MCF2L: variants seen among roughly 807,000 people sequenced by gnomAD.
MCF2L encodes guanine nucleotide exchange factor DBS.
In MCF2L, 97 loss-of-function variants were observed where a neutral mutation model predicts 153.4. That is an observed-to-expected ratio of 0.63 (90% CI 0.54 to 0.75). The LOEUF is 0.75. Ranked by LOEUF, MCF2L falls within the 30% of genes least tolerant of loss-of-function variation. MCF2L has a pLI of 0.00. For synonymous variants in MCF2L, 659 were observed against 632.2 expected, an observed-to-expected ratio of 1.04 and a Z score of -0.64; for missense variants, 1,347 against 1,495.2, an observed-to-expected ratio of 0.90 and a Z score of 1.64.
Position 113,066,069 on chromosome 13 carries a change from A to G in MCF2L, c.780A>G (p.Lys260=), listed in dbSNP as rs2032317907. The G allele has an allele frequency of 6.2e-7, 1 of 1,613,308 alleles. No individual in the cohort carries two copies. The highest frequency in any genetic ancestry group is 1.1e-5 in the South Asian group (1 of 91,048). The change falls in exon 8 of 30, where the codon AAA becomes AAG. Residue 260 remains lysine (K), a synonymous_variant. Transcript: ENST00000535094. The part of the protein sequence containing the change: ...KAKEDLRLAL[K]EGHSVLESLR... ...AGGAGGATTTGAGGCTGGCACTGAA[A>G]GAGGGGCACAGTGTCCTGGAGAGCC...
chr13:113,091,063 C>T lies in MCF2L; in HGVS notation c.2953+1335C>T, dbSNP rs186338168. ...GCGCGGGTCAGCCTCCTCGCCGCCTCCCTCCGTCCTTCACACTCTCTCTCC... is the reference window on the plus strand; with the variant it reads ...GCGCGGGTCAGCCTCCTCGCCGCCTTCCTCCGTCCTTCACACTCTCTCTCC... On this transcript the variant is annotated intron_variant, in intron 26 of 29. Coordinates refer to ENST00000535094, the MANE Select transcript of MCF2L (RefSeq NM_001112732.3). 1,443 of 1,297,176 alleles carry T rather than the reference C, an allele frequency of 1.1e-3. 16 individuals carry two copies. The African/African-American group carries it at 0.021, about 19-fold the overall frequency. 80.4% of individuals were successfully genotyped at this position (1,297,176 alleles called of 1,614,324 possible).
chr13:113,006,832 C>CCTCACA (rs2083732310), intron 1 of MCF2L, among the ~76,000 whole-genome samples: 1 of 152,190 alleles, frequency 6.6e-6, no homozygotes, highest in African/African-American at 2.4e-5. Context: ...CTCACATGTG[C>CCTCACA]GGAGGTTTGG....
At chr13:112,980,623 A>C (rs3011549) in intron 1 of MCF2L, among the ~76,000 whole-genome samples, 106,397 of 140,160 alleles carry the variant, frequency 0.76, 38,123 homozygotes, top group Non-Finnish European at 0.8. Context: ...AGAGCCTCTC[A>C]GGCTGCCGCC....
intron 24 of MCF2L, 40 bp downstream of exon 24, chr13:113,088,445 C>G (rs779594182): frequency 4.9e-5 from 79 of 1,610,980 alleles, no homozygotes; most frequent in Non-Finnish European, 6.5e-5. Context: ...GTAGCTTCCG[C>G]TCCAGGTGCA....
chr13:113,096,332 G>A (rs1021603333), intron 27 of MCF2L, 39 bp from the exon 28 acceptor site: 5 of 1,466,860 alleles, frequency 3.4e-6, no homozygotes, highest in Non-Finnish European at 4.7e-6. Flanking sequence ...GCCGGGGCGG[G>A]TGCTGACGCT....
rs554000620 is a variant in MCF2L at position 112,983,726 on chromosome 13, C to A, written c.79+14268C>A. On this transcript the variant is annotated intron_variant, in intron 1 of 29. Transcript: ENST00000535094. This position sits in a 1 kb window ranked among gnomAD's most constrained non-coding sequence, Gnocchi z 4.0. Reference sequence around the variant, plus strand: ...CTGACGCACTGTGGCCCCGGGGAAGCGTGGTGTCTGCAGCCTCCTGGGCCT... The same window carrying A: ...CTGACGCACTGTGGCCCCGGGGAAGAGTGGTGTCTGCAGCCTCCTGGGCCT... 6.6e-6 allele frequency among the ~76,000 whole-genome samples: 1 copy of A among 152,328 alleles called. No individual in the cohort carries two copies. Among genetic ancestry groups the A allele is most frequent in the South Asian group, 2.1e-4 (1 of 4,828 alleles).
At chr13:112,933,061 TGAAG>T (rs1484500915) in intron 2 of MCF2L, among the ~76,000 whole-genome samples, 2 of 145,410 alleles carry the variant, frequency 1.4e-5, no homozygotes, top group Non-Finnish European at 3.0e-5. Flanking sequence ...TAAATAAACA[TGAAG>T]GAAGGAAGGA....
In MCF2L at chr13:112,899,106, C is replaced by T. The variant is rs916246781; in HGVS notation, c.-4-3093C>T. ...CTGACATTTGTGTCCTCGGCACCTG[C>T]GTCATAAACGAGGACCGAGCAAACG... On this transcript the variant is annotated intron_variant, in intron 1 of 29. Transcript: ENST00000375608. 1.8e-4 allele frequency among the ~76,000 whole-genome samples: 27 copies of T among 152,376 alleles called. 1 individual carries two copies. The highest frequency in any genetic ancestry group is 5.8e-4 in the African/African-American group (24 of 41,584).
At chr13:112,931,378 C>G (rs1243802921) in intron 2 of MCF2L, among the ~76,000 whole-genome samples, 4 of 152,234 alleles carry the variant, frequency 2.6e-5, no homozygotes, top group Non-Finnish European at 5.9e-5. Context: ...TGACGCTGCT[C>G]TGCCGGAAGC....
chr13:112,974,813 A>C lies in MCF2L; in HGVS notation c.79+5355A>C, dbSNP rs532970457. 9.8e-5 allele frequency among the ~76,000 whole-genome samples: 15 copies of C among 152,346 alleles called. No homozygotes were observed. In the South Asian group the frequency reaches 3.1e-3, roughly 32 times the overall value. ...GTCTGACAAACACATTTTCATGAGT[A>C]GAGAATAATTTTAACAGACTCTAGG... On this transcript the variant is annotated intron_variant, in intron 1 of 29. Transcript: ENST00000535094.
At chr13:113,036,935 C>T (rs1268993997) in intron 3 of MCF2L, among the ~76,000 whole-genome samples, 2 of 152,226 alleles carry the variant, frequency 1.3e-5, no homozygotes, top group South Asian at 2.1e-4. Context: ...AGGAGTGGCC[C>T]GAGAAGACCT....
chr13:113,084,231 T>C (rs2142016208), intron 18 of MCF2L, among the ~76,000 whole-genome samples, 164 bp downstream of exon 18: 1 of 152,152 alleles, frequency 6.6e-6, no homozygotes, highest in East Asian at 1.9e-4. Flanking sequence ...TAGAACCTCC[T>C]GAACCCCCAG....
At chr13:112,938,891 G>T (rs758214673) in intron 2 of MCF2L, among the ~76,000 whole-genome samples, 21 of 152,038 alleles carry the variant, frequency 1.4e-4, no homozygotes, top group Non-Finnish European at 2.6e-4. Flanking sequence ...TGGGTTGGAG[G>T]CAGAGACCTC....
intron 3 of MCF2L, chr13:113,044,759 C>G: frequency 6.2e-7 from 1 of 1,612,910 alleles, no homozygotes; most frequent in Non-Finnish European, 8.5e-7. Context: ...CCTCCTCTCC[C>G]GTTTCCAGCA....
chr13:113,007,924 T>C (rs984760394), intron 1 of MCF2L, among the ~76,000 whole-genome samples: 15 of 149,948 alleles, frequency 1.0e-4, no homozygotes, highest in Non-Finnish European at 2.2e-4. Context: ...TTCTTTTTTT[T>C]TTTTTTTTTT....
intron 3 of MCF2L, among the ~76,000 whole-genome samples, chr13:113,034,864 G>A (rs558330618): frequency 5.3e-5 from 8 of 150,818 alleles, no homozygotes; most frequent in African/African-American, 9.7e-5. Context: ...GCCACAGATC[G>A]GAGGTGAGGA....
At chr13:113,049,477 C>T (rs919761020) in intron 4 of MCF2L, among the ~76,000 whole-genome samples, 5 of 152,218 alleles carry the variant, frequency 3.3e-5, no homozygotes, top group South Asian at 2.1e-4. Context: ...GTTGACCTGA[C>T]GTGGGGACAC....
chr13:112,955,678 A>G (rs1354587396), intron 2 of MCF2L, among the ~76,000 whole-genome samples: 1 of 152,172 alleles, frequency 6.6e-6, no homozygotes, highest in Non-Finnish European at 1.5e-5. Flanking sequence ...GCCATAAGGC[A>G]GACTGCGCTG....
At chr13:113,089,917 C>G in intron 26 of MCF2L, 189 bp downstream of exon 26, 1 of 1,602,188 alleles carries the variant, frequency 6.2e-7, no homozygotes, top group Non-Finnish European at 8.5e-7. Flanking sequence ...CTCCATTGCT[C>G]TGCACCCCTG....
Sources: allele counts gnomAD v4.1 joint callset (sites outside exome capture counted in the v4.1 genomes callset), GRCh38; gene constraint gnomAD v4.1.1; non-coding constraint Gnocchi (gnomAD v3.1); transcripts MANE v1.5; gene names NCBI Gene and HGNC (gene_info 2026-07-23, HGNC 2026-07-21).